Variants in HAUS7 observed in about 807,000 individuals in gnomAD.
The protein encoded by HAUS7 is HAUS augmin like complex subunit 7, also known as HAUS augmin-like complex subunit 7.
HAUS7 carries 3 observed loss-of-function variants against 28.4 expected under a neutral mutation model. The observed-to-expected ratio is 0.11, with a 90% CI of 0.05 to 0.27. The LOEUF (loss-of-function observed/expected upper bound fraction) is 0.27, where lower values mean the gene tolerates loss of function less well. HAUS7 is among the 10% of genes least tolerant of loss of function. The pLI, the probability that HAUS7 is intolerant of heterozygous loss-of-function variation, is 1.00. For missense variants in HAUS7, 284 were observed against 297.3 expected (o/e 0.96, Z 0.33); for synonymous variants, 165 against 132.1 (o/e 1.25, Z -1.71).
chrX:153,487,483 C>T (rs5987261), intron 1 of HAUS7, among the ~76,000 whole-genome samples: 1 of 111,526 alleles, frequency 9.0e-6, no homozygotes, highest in Non-Finnish European at 1.9e-5. Context: ...ACACCTCCCC[C>T]CCATTCCTGG....
intron 5 of HAUS7, 191 bp downstream of exon 5, chrX:153,456,946 G>A (rs1015191456): frequency 1.3e-4 from 59 of 443,288 alleles, no homozygotes; most frequent in Non-Finnish European, 2.2e-4. Context: ...GCAACAGCCA[G>A]CACCCTTGGG....
chrX:153,486,639 C>T (rs1569531780), intron 1 of HAUS7: 1 of 981,460 alleles, frequency 1.0e-6, no homozygotes, highest in Non-Finnish European at 1.3e-6. Flanking sequence ...GACAAGTGCC[C>T]TTGAATTCCA....
chrX:153,461,514 AC>A (rs1236087949), intron 4 of HAUS7: 3 of 111,282 alleles, frequency 2.7e-5, no homozygotes, highest in Admixed American at 9.6e-5. Context: ...AAGAAAAAAA[AC>A]AAAACAAAAC....
At chrX:153,454,587 G>A (rs782774877) in intron 8 of HAUS7, 79 bp from the exon 9 acceptor site, 9 of 585,552 alleles carry the variant, frequency 1.5e-5, no homozygotes, top group South Asian at 5.4e-5. Context: ...ACGTAGCGAC[G>A]GCATCTCCTG....
intron 2 of HAUS7, 101 bp from the exon 3 acceptor site, chrX:153,465,156 A>C: frequency 1.9e-6 from 1 of 539,663 alleles, no homozygotes; most frequent in South Asian, 2.8e-5. Flanking sequence ...GCACGTGCTC[A>C]ACGGCACGGA....
At chrX:153,464,803 T>A (rs782775537) in intron 3 of HAUS7, among the ~76,000 whole-genome samples, 185 bp downstream of exon 3, 4 of 112,083 alleles carry the variant, frequency 3.6e-5, no homozygotes, top group Non-Finnish European at 5.6e-5. Context: ...ACTGATGTGC[T>A]CTAGGTCCCT....
At chrX:153,486,573 C>A in intron 1 of HAUS7, 2 of 893,029 alleles carry the variant, frequency 2.2e-6, no homozygotes, top group Non-Finnish European at 3.0e-6. Context: ...TGAATGATGC[C>A]TACCCCGTCT....
chrX:153,490,559 G>A (rs1471791800), intron 1 of HAUS7, among the ~76,000 whole-genome samples: 1 of 112,695 alleles, frequency 8.9e-6, no homozygotes, highest in Non-Finnish European at 1.9e-5. Flanking sequence ...ATGCCGCTTC[G>A]AGGCCGCAGG....
At chrX:153,453,053 A>G (rs782529591) in intron 9 of HAUS7, among the ~76,000 whole-genome samples, 4 of 112,862 alleles carry the variant, frequency 3.5e-5, no homozygotes, top group Non-Finnish European at 7.5e-5. Context: ...TCTACCAACT[A>G]CAACAAAATG....
intron 1 of HAUS7, among the ~76,000 whole-genome samples, chrX:153,490,149 T>C (rs1418376386): frequency 2.7e-5 from 3 of 112,452 alleles, no homozygotes; most frequent in Non-Finnish European, 5.6e-5. Flanking sequence ...ACAGGGGTCC[T>C]AGGGTGCCCC....
chrX:153,453,311 T>G (rs1253541024), intron 9 of HAUS7, among the ~76,000 whole-genome samples: 4 of 111,664 alleles, frequency 3.6e-5, no homozygotes, highest in African/African-American at 1.3e-4. Context: ...GGGTTTCTTC[T>G]GGGGGTGATA....
At chrX:153,452,689 CAG>C (rs1394255308) in intron 9 of HAUS7, among the ~76,000 whole-genome samples, 3 of 112,058 alleles carry the variant, frequency 2.7e-5, no homozygotes, top group Non-Finnish European at 5.6e-5. Flanking sequence ...CTTTAAAAAA[CAG>C]AGTTAAAGAG....
intron 4 of HAUS7, among the ~76,000 whole-genome samples, chrX:153,457,469 G>A (rs928777539): frequency 2.6e-5 from 3 of 113,390 alleles, no homozygotes; most frequent in Non-Finnish European, 3.7e-5. Flanking sequence ...GCTGAGCACT[G>A]CAGAAACATA....
intron 9 of HAUS7, among the ~76,000 whole-genome samples, chrX:153,454,016 G>C (rs1390297646): frequency 9.0e-6 from 1 of 110,634 alleles, no homozygotes; most frequent in African/African-American, 3.3e-5. Flanking sequence ...ACGTGGTTTT[G>C]CCATGTTGCC....
At chrX:153,455,986 A>T (rs1230303331) in intron 7 of HAUS7, among the ~76,000 whole-genome samples, 1 of 112,297 alleles carries the variant, frequency 8.9e-6, no homozygotes, top group Non-Finnish European at 1.9e-5. Flanking sequence ...TCTCCTCCGC[A>T]ATCAAACAGA....
intron 1 of HAUS7, among the ~76,000 whole-genome samples, chrX:153,483,918 G>A (rs781949517): frequency 8.9e-6 from 1 of 112,403 alleles, no homozygotes; most frequent in African/African-American, 3.2e-5. Flanking sequence ...GAAGGGCTGG[G>A]GGCACAGGAA....
At chrX:153,478,111 G>A (rs782249728) in intron 1 of HAUS7, among the ~76,000 whole-genome samples, 8 of 112,492 alleles carry the variant, frequency 7.1e-5, no homozygotes, top group African/African-American at 9.7e-5. Flanking sequence ...CTAAGTCAAC[G>A]CTGGACAGGG....
intron 4 of HAUS7, chrX:153,461,963 T>C (rs1839349281): frequency 4.6e-6 from 2 of 439,202 alleles, no homozygotes; most frequent in Non-Finnish European, 8.0e-6. Flanking sequence ...ACGTCTTATG[T>C]CTCCCTAAAT....
At chrX:153,448,759 G>A (rs1024382667) in intron 9 of HAUS7, among the ~76,000 whole-genome samples, 1 of 111,233 alleles carries the variant, frequency 9.0e-6, no homozygotes, top group Non-Finnish European at 1.9e-5. Flanking sequence ...AGGCTCTGTG[G>A]GGACCAGGCC....
Sources: gnomAD v4.1 joint callset for allele counts (sites outside exome capture counted in the v4.1 genomes callset) on GRCh38, gnomAD v4.1.1 for gene constraint, MANE v1.5 for transcripts, NCBI Gene and HGNC (gene_info 2026-07-23, HGNC 2026-07-21) for gene names.